Variants in PKD1L1 observed in about 807,000 individuals in gnomAD.
PKD1L1 encodes polycystin 1 like 1, transient receptor potential channel interacting.
Under a neutral mutation model 323.4 loss-of-function variants are expected in PKD1L1, and 236 were observed. The ratio of observed to expected loss-of-function variants is 0.73; its 90% CI spans 0.66 to 0.81. PKD1L1 has a LOEUF of 0.81. PKD1L1 is among the 40% of genes least tolerant of loss of function. The pLI is 0.00. For missense variants in PKD1L1, 3,320 were observed against 3,508.0 expected (o/e 0.95, Z 1.35); for synonymous variants, 1,344 against 1,335.0 (o/e 1.01, Z -0.15).
At chr7:47,857,947 G>A in intron 27 of PKD1L1, 115 bp from the exon 28 acceptor site, 7 of 976,590 alleles carry the variant, frequency 7.2e-6, no homozygotes, top group Middle Eastern at 2.2e-4. Context: ...AAGTTAGATT[G>A]GATGGCAGGA....
intron 43 of PKD1L1, 28 bp from the exon 44 acceptor site, chr7:47,829,629 G>C (rs1317089165): frequency 1.3e-6 from 2 of 1,584,220 alleles, no homozygotes; most frequent in African/African-American, 1.4e-5. Context: ...ACAGCGCAGA[G>C]AGCCGCCCTA....
rs1364576800 is a variant in PKD1L1 at position 47,803,348 on chromosome 7, A to C, written c.7828-4T>G. On this transcript the variant is annotated splice_region_variant and splice_polypyrimidine_tract_variant and intron_variant, in intron 52 of 56. Coordinates refer to ENST00000289672, the MANE Select transcript of PKD1L1 (RefSeq NM_138295.5). ...TTCCCCGGAGCCATCGAGCCCTCTGAGACAGAAGAACATAACAGTCAGTGT... is the reference window on the plus strand; with the variant it reads ...TTCCCCGGAGCCATCGAGCCCTCTGCGACAGAAGAACATAACAGTCAGTGT... The C allele has an allele frequency of 6.2e-7, 1 of 1,613,454 alleles. No homozygotes were observed. Among genetic ancestry groups the C allele is most frequent in the Admixed American group, 1.7e-5 (1 of 60,002 alleles).
Position 47,898,012 on chromosome 7 carries a change from A to G in PKD1L1, c.2247T>C (p.Tyr749=). 2 of 1,612,484 alleles carry G rather than the reference A, an allele frequency of 1.2e-6. No individual in the cohort carries two copies. Among genetic ancestry groups the G allele is most frequent in the South Asian group, 2.2e-5 (2 of 90,878 alleles). The part of the protein sequence containing the change: ...TLILPSHTLE[Y]GNYTALAKVQ... ...CCTTGGCAAGGGCAGTGTAGTTCCC[A>G]TACTCCAAGGTGTGGCTCGGGAGGA... The change falls in exon 14 of 57, where the codon TAT becomes TAC. Residue 749 remains tyrosine, a synonymous_variant. Coordinates refer to ENST00000289672, the MANE Select transcript of PKD1L1 (RefSeq NM_138295.5).
At chr7:47,846,257 G>T (rs985860667) in intron 32 of PKD1L1, among the ~76,000 whole-genome samples, 1 of 152,176 alleles carries the variant, frequency 6.6e-6, no homozygotes, top group African/African-American at 2.4e-5. Flanking sequence ...CAACAAAAAA[G>T]AATGATCTGA....
chr7:47,879,658 G>A (rs1786490003), intron 21 of PKD1L1, among the ~76,000 whole-genome samples: 1 of 141,770 alleles, frequency 7.1e-6, no homozygotes, highest in Non-Finnish European at 1.5e-5. Context: ...AAAAGGCCAG[G>A]CACGGTGGCT....
In PKD1L1 at chr7:47,847,829, T is replaced by C. The variant is rs113870518; in HGVS notation, c.4961-758A>G. Among the ~76,000 whole-genome samples, 483 of 152,296 alleles carry C rather than the reference T, an allele frequency of 3.2e-3. 7 individuals are homozygous for C. The highest frequency in any genetic ancestry group is 0.011 in the African/African-American group (468 of 41,560). ...TAATCTGGACATAAGAAATAAATTTTGAACGATGGTTCAAAATCTAAGAGT... is the reference window on the plus strand; with the variant it reads ...TAATCTGGACATAAGAAATAAATTTCGAACGATGGTTCAAAATCTAAGAGT... On this transcript the variant is annotated intron_variant, in intron 31 of 56. Transcript: ENST00000289672.
chr7:47,848,595 C>T (rs377109899), intron 31 of PKD1L1, among the ~76,000 whole-genome samples: 1 of 152,078 alleles, frequency 6.6e-6, no homozygotes, highest in African/African-American at 2.4e-5. Flanking sequence ...CACCTGAGGT[C>T]GGGAGTTCGA....
At chr7:47,813,042 T>C in intron 49 of PKD1L1, 79 bp downstream of exon 49, 1 of 1,519,312 alleles carries the variant, frequency 6.6e-7, no homozygotes, top group Non-Finnish European at 8.9e-7. Flanking sequence ...CTGCTGCAGA[T>C]GCGCTGCGTC....
chr7:47,837,940 G>A (rs147954594), intron 36 of PKD1L1, among the ~76,000 whole-genome samples: 183 of 152,254 alleles, frequency 1.2e-3, no homozygotes, highest in African/African-American at 4.1e-3. Context: ...AACAAGCAAC[G>A]CTCAATTCGC....
intron 13 of PKD1L1, among the ~76,000 whole-genome samples, chr7:47,899,496 C>T (rs1213317534): frequency 6.6e-6 from 1 of 152,162 alleles, no homozygotes; most frequent in Non-Finnish European, 1.5e-5. Flanking sequence ...CCTCCACACC[C>T]CCTACTTTGG....
Position 47,841,347 on chromosome 7 carries a change from G to A in PKD1L1, c.5446-780C>T, listed in dbSNP as rs796107077. Among the ~76,000 whole-genome samples the A allele has an allele frequency of 1.6e-4, 24 of 152,236 alleles. No individual in the cohort carries two copies. The East Asian group carries it at 3.3e-3, about 21-fold the overall frequency. On this transcript the variant is annotated intron_variant, in intron 34 of 56. Transcript: ENST00000289672. ...GAAATCCCTCCTCAGTACCTCTCCCGAGGTCATGACACGATCTCAGGTGCT... is the reference window on the plus strand; with the variant it reads ...GAAATCCCTCCTCAGTACCTCTCCCAAGGTCATGACACGATCTCAGGTGCT...
chr7:47,844,799 G>A lies in PKD1L1; in HGVS notation c.5237+196C>T, dbSNP rs564181883. On this transcript the variant is annotated intron_variant, in intron 33 of 56. Transcript: ENST00000289672. ...TCTCTCATCAGTGAATTCAAGTATAGAGAGACAAGATATATAAGTATATAT... is the reference window on the plus strand; with the variant it reads ...TCTCTCATCAGTGAATTCAAGTATAAAGAGACAAGATATATAAGTATATAT... Among the ~76,000 whole-genome samples, 4 of 152,282 alleles carry A rather than the reference G, an allele frequency of 2.6e-5. No homozygotes were observed. The South Asian group carries it at 8.3e-4, about 32-fold the overall frequency.
At chr7:47,929,613 C>T (rs925508750) in intron 6 of PKD1L1, 87 bp from the exon 7 acceptor site, 31 of 1,276,772 alleles carry the variant, frequency 2.4e-5, no homozygotes, top group Non-Finnish European at 3.2e-5. Context: ...GGCCTGGGTC[C>T]AGCCAGCTAG....
At chr7:47,862,426 C>G (rs1786053152) in intron 26 of PKD1L1, among the ~76,000 whole-genome samples, 1 of 152,120 alleles carries the variant, frequency 6.6e-6, no homozygotes, top group Admixed American at 6.5e-5. Context: ...CATCCAGCCC[C>G]CGTTCCTGTA....
At chr7:47,890,421 A>G in intron 16 of PKD1L1, 121 bp downstream of exon 16, 1 of 962,632 alleles carries the variant, frequency 1.0e-6, no homozygotes, top group Non-Finnish European at 1.6e-6. Flanking sequence ...TTGCAGTGAG[A>G]ATCCTGCATG....
intron 33 of PKD1L1, 150 bp from the exon 34 acceptor site, chr7:47,843,319 G>A: frequency 4.6e-6 from 3 of 657,424 alleles, no homozygotes; most frequent in South Asian, 2.0e-5. Context: ...TGAGTTAGAA[G>A]GGCTTTGAAG....
chr7:47,911,607 C>T (rs1332175113), intron 8 of PKD1L1, among the ~76,000 whole-genome samples: 1 of 151,924 alleles, frequency 6.6e-6, no homozygotes. Flanking sequence ...AATCCAAAAA[C>T]AAAAAGGAAA....
intron 31 of PKD1L1, among the ~76,000 whole-genome samples, chr7:47,848,431 G>C (rs1301241856): frequency 1.3e-5 from 2 of 152,224 alleles, no homozygotes; most frequent in African/African-American, 4.8e-5. Context: ...ATGCAAATGA[G>C]TGTAAGAAAT....
At position 47,834,294 on chromosome 7, in the gene PKD1L1, A is replaced by G. The variant is rs779295556; in HGVS notation, c.6174+45T>C. On this transcript the variant is annotated intron_variant, in intron 40 of 56. Transcript: ENST00000289672. ...ATGCCAGAGAAATCTAATTGTTTGC[A>G]TTTCATGCTAGAAGATTAGCTGCTG... 4 of 1,590,874 alleles carry G rather than the reference A, an allele frequency of 2.5e-6. No homozygotes were observed. The Admixed American group carries it at 5.0e-5, about 20-fold the overall frequency.
Sources: allele counts gnomAD v4.1 joint callset (sites outside exome capture counted in the v4.1 genomes callset), GRCh38; gene constraint gnomAD v4.1.1; transcripts MANE v1.5; gene names NCBI Gene and HGNC (gene_info 2026-07-23, HGNC 2026-07-21).